The following BMPR1B variants were observed in gnomAD, a reference collection of about 807,000 sequenced individuals.
The protein encoded by BMPR1B is bone morphogenetic protein receptor type 1B, also known as bone morphogenetic protein receptor type-1B.
A neutral mutation model predicts 59.1 loss-of-function variants in BMPR1B; 12 were observed. The ratio of observed to expected loss-of-function variants is 0.20; its 90% CI spans 0.13 to 0.33. The LOEUF (loss-of-function observed/expected upper bound fraction) is 0.33, where lower values mean the gene tolerates loss of function less well. BMPR1B is among the 10% of genes least tolerant of loss of function. BMPR1B has a pLI of 1.00. For synonymous variants in BMPR1B, 237 were observed against 207.3 expected (o/e 1.14, Z -1.23); for missense variants, 550 against 610.9 (o/e 0.90, Z 1.05).
intron 2 of BMPR1B, among the ~76,000 whole-genome samples, chr4:94,878,640 T>C (rs1230037567): frequency 2.0e-5 from 3 of 152,124 alleles, no homozygotes; most frequent in Non-Finnish European, 4.4e-5. Flanking sequence ...GCATTCTGAG[T>C]GACTCCATTT....
At chr4:95,134,241 A>T (rs1733602814) in intron 10 of BMPR1B, among the ~76,000 whole-genome samples, 1 of 152,118 alleles carries the variant, frequency 6.6e-6, no homozygotes, top group African/African-American at 2.4e-5. Context: ...CATGGTGTAT[A>T]TGTGCCACAT....
intron 1 of BMPR1B, among the ~76,000 whole-genome samples, chr4:94,801,959 C>T (rs1022674647): frequency 1.3e-5 from 2 of 152,102 alleles, no homozygotes; most frequent in Non-Finnish European, 2.9e-5. Flanking sequence ...ACTGTGTAAA[C>T]AAAAGAATTA....
At position 95,086,998 on chromosome 4, in the gene BMPR1B, C is replaced by CT. The variant is rs34460668; in HGVS notation, c.-17-17386dup. Among the ~76,000 whole-genome samples, 227 of 102,988 alleles carry CT rather than the reference C, an allele frequency of 2.2e-3. 3 individuals carry two copies. Among genetic ancestry groups the CT allele is most frequent in the Non-Finnish European group, 2.8e-3 (152 of 53,832 alleles). 67.6% of individuals were successfully genotyped at this position (102,988 alleles called of 152,430 possible). A position where few individuals can be genotyped will look rare whatever the true frequency, so the allele number is the denominator to read the frequency against. On this transcript the variant is annotated intron_variant, in intron 3 of 12. Coordinates refer to ENST00000515059, the MANE Select transcript of BMPR1B (RefSeq NM_001203.3). ...AGGCCTTGGTGTGTCTCATATCCTT[C>CT]TTTTTTTTTTTTTTTTTTTTTTTTG...
intron 8 of BMPR1B, among the ~76,000 whole-genome samples, chr4:95,127,854 T>C (rs917865740): frequency 6.6e-6 from 1 of 151,814 alleles, no homozygotes; most frequent in South Asian, 2.1e-4. Context: ...TAATATATAA[T>C]GTCCCCCCAA....
intron 3 of BMPR1B, among the ~76,000 whole-genome samples, chr4:95,066,004 A>G (rs1216495453): frequency 1.3e-5 from 2 of 152,170 alleles, no homozygotes; most frequent in Admixed American, 6.6e-5. Flanking sequence ...CCCACCTGCA[A>G]TCCTGCTTGC....
chr4:94,827,461 C>A (rs1379420552), intron 1 of BMPR1B, among the ~76,000 whole-genome samples: 1 of 151,978 alleles, frequency 6.6e-6, no homozygotes, highest in Non-Finnish European at 1.5e-5. Flanking sequence ...GTGCTGTTTG[C>A]ACATTACTGC....
intron 2 of BMPR1B, among the ~76,000 whole-genome samples, chr4:94,939,883 T>C (rs1729444288): frequency 6.6e-6 from 1 of 152,230 alleles, no homozygotes; most frequent in South Asian, 2.1e-4. Flanking sequence ...AAGTCAAGAC[T>C]CATTAAATTA....
chr4:94,977,982 T>G (rs1298038284), intron 2 of BMPR1B, among the ~76,000 whole-genome samples: 1 of 152,232 alleles, frequency 6.6e-6, no homozygotes, highest in Non-Finnish European at 1.5e-5. Flanking sequence ...GGCTATTTTT[T>G]TTCTAGTACA....
intron 2 of BMPR1B, among the ~76,000 whole-genome samples, chr4:94,928,244 C>A (rs1728964437): frequency 6.6e-6 from 1 of 151,174 alleles, no homozygotes; most frequent in Admixed American, 6.6e-5. Context: ...CTCACTGTAA[C>A]CTCAAGCTCT....
intron 2 of BMPR1B, among the ~76,000 whole-genome samples, chr4:94,900,117 A>AT (rs3836568): frequency 0.045 from 6,693 of 147,454 alleles, 187 homozygotes; most frequent in South Asian, 0.083. Context: ...TGAAAACAGG[A>AT]TTTTTTTTTT....
At chr4:95,079,779 T>A (rs1728981772) in intron 3 of BMPR1B, among the ~76,000 whole-genome samples, 1 of 151,068 alleles carries the variant, frequency 6.6e-6, no homozygotes, top group African/African-American at 2.4e-5. Context: ...AACAAAATTC[T>A]GCCTGTGATA....
intron 1 of BMPR1B, among the ~76,000 whole-genome samples, chr4:94,834,648 G>A (rs893774323): frequency 1.3e-5 from 2 of 152,086 alleles, no homozygotes; most frequent in Admixed American, 1.3e-4. Flanking sequence ...GAGGATTGGT[G>A]TAGTTTAGAA....
At position 94,908,135 on chromosome 4, in the gene BMPR1B, A is replaced by G. The variant is rs558912776; in HGVS notation, c.-113+32235A>G. Among the ~76,000 whole-genome samples the G allele has an allele frequency of 2.0e-5, 3 of 149,718 alleles. No individual in the cohort carries two copies. The South Asian group carries it at 6.4e-4, about 32-fold the overall frequency. On this transcript the variant is annotated intron_variant, in intron 2 of 12. Coordinates refer to ENST00000515059, the MANE Select transcript of BMPR1B (RefSeq NM_001203.3). Reference sequence around the variant, plus strand: ...AAGGTCTTGGGGAAGGGTCCACAGCAAATAAGTAGAGGAAATTTGAGCTGT... The same window carrying G: ...AAGGTCTTGGGGAAGGGTCCACAGCGAATAAGTAGAGGAAATTTGAGCTGT...
chr4:94,946,402 C>T (rs932468356), intron 2 of BMPR1B, among the ~76,000 whole-genome samples: 19 of 152,146 alleles, frequency 1.2e-4, no homozygotes, highest in Middle Eastern at 6.8e-3. Context: ...TCAGTTTTAC[C>T]AGTTTTTATA....
chr4:94,857,521 G>A (rs1425301490), intron 1 of BMPR1B, among the ~76,000 whole-genome samples: 1 of 152,090 alleles, frequency 6.6e-6, no homozygotes, highest in Admixed American at 6.5e-5. Flanking sequence ...AAAAATTTTA[G>A]TTTACAAAAT....
intron 3 of BMPR1B, chr4:95,091,477 A>C: frequency 1.0e-6 from 1 of 985,314 alleles, no homozygotes. Context: ...TGCATTTCTT[A>C]ACTGCTGAAT....
At chr4:94,944,752 G>A (rs1729646898) in intron 2 of BMPR1B, among the ~76,000 whole-genome samples, 1 of 152,104 alleles carries the variant, frequency 6.6e-6, no homozygotes, top group Non-Finnish European at 1.5e-5. Flanking sequence ...TTTTAAAAAT[G>A]AACTTATTGC....
intron 2 of BMPR1B, among the ~76,000 whole-genome samples, chr4:94,892,454 G>C (rs1727436942): frequency 6.6e-6 from 1 of 152,080 alleles, no homozygotes; most frequent in African/African-American, 2.4e-5. Flanking sequence ...TAGTTGAGCT[G>C]TTGTTTGTTC....
intron 3 of BMPR1B, among the ~76,000 whole-genome samples, chr4:95,026,162 C>CTTTT (rs1181592252): frequency 2.9e-5 from 4 of 137,946 alleles, no homozygotes; most frequent in African/African-American, 1.1e-4. Context: ...TTCTTTCTTT[C>CTTTT]TCTTTTTCTC....
Sources: allele counts gnomAD v4.1 joint callset (sites outside exome capture counted in the v4.1 genomes callset), GRCh38; gene constraint gnomAD v4.1.1; transcripts MANE v1.5; gene names NCBI Gene and HGNC (gene_info 2026-07-23, HGNC 2026-07-21).